Variants in SNAPC3 observed in about 807,000 individuals in gnomAD.
The protein encoded by SNAPC3 is snRNA-activating protein complex subunit 3.
A neutral mutation model predicts 47.7 loss-of-function variants in SNAPC3; 56 were observed. The ratio of observed to expected loss-of-function variants is 1.18; its 90% CI spans 0.95 to 1.47. The LOEUF (loss-of-function observed/expected upper bound fraction) is 1.47, where lower values mean the gene tolerates loss of function less well. SNAPC3 is among the 40% of genes most tolerant of loss of function. SNAPC3 has a pLI of 0.00. For missense variants in SNAPC3, 665 were observed against 511.3 expected (o/e 1.30, Z -2.90); for synonymous variants, 235 against 189.9 (o/e 1.24, Z -1.95).
intron 3 of SNAPC3, among the ~76,000 whole-genome samples, chr9:15,435,628 G>A (rs1017393315): frequency 3.3e-5 from 5 of 151,706 alleles, no homozygotes; most frequent in Admixed American, 2.6e-4. Flanking sequence ...CTACTCTGGA[G>A]GCTGGCAGGA....
chr9:15,429,447 T>G (rs2031862097), intron 2 of SNAPC3, among the ~76,000 whole-genome samples: 1 of 152,188 alleles, frequency 6.6e-6, no homozygotes, highest in African/African-American at 2.4e-5. Context: ...CGTTGGGTAT[T>G]GCAACAAAGT....
At position 15,444,588 on chromosome 9, in the gene SNAPC3, TTTTC is replaced by T; in HGVS notation, c.478-7_478-4del. 1 of 1,535,842 alleles carries T rather than the reference TTTTC, an allele frequency of 6.5e-7. No individual in the cohort carries two copies. The highest frequency in any genetic ancestry group is 9.0e-7 in the Non-Finnish European group (1 of 1,110,836). On this transcript the variant is annotated splice_polypyrimidine_tract_variant and intron_variant, in intron 3 of 8. Transcript: ENST00000380821. Reference sequence around the variant, plus strand: ...TATAGTATCTGATTTCAGTGTCTCTTTTTCTTTCTTCAGGAGTCACATGCCATAG... The same window carrying T: ...TATAGTATCTGATTTCAGTGTCTCTTTTTCTTCAGGAGTCACATGCCATAG...
Position 15,453,079 on chromosome 9 carries a change from A to G in SNAPC3, c.854A>G (p.Tyr285Cys), listed in dbSNP as rs777195600. ...TGGTCAGAGTCCCATGATAGAGGCT[A>G]TGGAAAGTTTCAGACTGCTAGAATG... ...IEWSESHDRG[Y>C]GKFQTARMED... The change falls in exon 7 of 9, where the codon TAT becomes TGT. Residue 285 changes from tyrosine (Y) to cysteine (C), a missense_variant. By Grantham distance (194) the Tyr-to-Cys change is radical. Coordinates refer to ENST00000380821, the MANE Select transcript of SNAPC3 (RefSeq NM_001039697.2). The G allele has an allele frequency of 5.0e-6, 8 of 1,613,658 alleles. No individual in the cohort carries two copies. The highest frequency in any genetic ancestry group is 2.2e-5 in the East Asian group (1 of 44,864).
Position 15,423,941 on chromosome 9 carries a change from A to C in SNAPC3, c.347A>C (p.Glu116Ala). 2 of 1,588,644 alleles carry C rather than the reference A, an allele frequency of 1.3e-6. No homozygotes were observed. The highest frequency in any genetic ancestry group is 2.3e-5 in the East Asian group (1 of 43,124). Residue 116 changes from glutamate to alanine, a missense_variant, in exon 2 of 9, where the codon GAG becomes GCG. Physicochemically the swap from Glu to Ala is moderately radical, Grantham distance 107. Transcript: ENST00000380821. Reference sequence around the variant, plus strand: ...AAACTGAAATGCCTTGAGGACGGTGAGGATCCAGAAGTCATTCCGGAGAAT... The same window carrying C: ...AAACTGAAATGCCTTGAGGACGGTGCGGATCCAGAAGTCATTCCGGAGAAT... The part of the protein sequence containing the change: ...LDKLKCLEDG[E>A]DPEVIPENTD...
In SNAPC3 at chr9:15,422,936, C is replaced by T. The variant is rs1336449651; in HGVS notation, c.57C>T (p.Asp19=). Residue 19 remains aspartate (D), a synonymous_variant, in exon 1 of 9, where the codon GAC becomes GAT. Transcript: ENST00000380821. ...GTAGCGGGGTGGGTGGCAGGCAGGA[C>T]CCAGTCTCCGGCAGTGGCGGCTGCA... ...PTCSGVGGRQ[D]PVSGSGGCNF... 5.8e-6 allele frequency: 9 copies of T among 1,538,704 alleles called. No individual in the cohort carries two copies. The highest frequency in any genetic ancestry group is 1.4e-5 in the African/African-American group (1 of 71,458).
intron 7 of SNAPC3, among the ~76,000 whole-genome samples, chr9:15,455,635 T>C (rs1377930860): frequency 1.3e-5 from 2 of 152,104 alleles, no homozygotes; most frequent in East Asian, 3.8e-4. Flanking sequence ...TGTGCTGGCC[T>C]TGTAATAAAC....
At chr9:15,449,694 A>G (rs1487649360) in intron 5 of SNAPC3, among the ~76,000 whole-genome samples, 3 of 146,606 alleles carry the variant, frequency 2.0e-5, no homozygotes, top group Non-Finnish European at 4.5e-5. Context: ...CCTCAGCCCC[A>G]TGAGTAGCTG....
At chr9:15,438,642 G>A (rs760010264) in intron 3 of SNAPC3, among the ~76,000 whole-genome samples, 3 of 152,058 alleles carry the variant, frequency 2.0e-5, no homozygotes, top group Non-Finnish European at 2.9e-5. Flanking sequence ...GATTTTTGTC[G>A]AGTGTTGTTA....
At chr9:15,442,346 C>T (rs529232862) in intron 3 of SNAPC3, among the ~76,000 whole-genome samples, 28 of 151,442 alleles carry the variant, frequency 1.8e-4, no homozygotes, top group East Asian at 9.9e-4. Flanking sequence ...GGGCGGCTGC[C>T]GGGCAGAGAC....
intron 2 of SNAPC3, among the ~76,000 whole-genome samples, chr9:15,426,467 C>A (rs192764381): frequency 2.1e-4 from 32 of 152,254 alleles, no homozygotes; most frequent in Non-Finnish European, 3.5e-4. Flanking sequence ...GTTACATCTG[C>A]CACACTCACT....
intron 3 of SNAPC3, among the ~76,000 whole-genome samples, chr9:15,442,472 G>A (rs1415343689): frequency 2.0e-5 from 3 of 151,172 alleles, no homozygotes; most frequent in South Asian, 2.1e-4. Context: ...CTGCTGGGCG[G>A]AGGGGCTCCT....
At chr9:15,459,647 T>A (rs1340565446) in intron 8 of SNAPC3, 72 bp from the exon 9 acceptor site, 1 of 1,165,516 alleles carries the variant, frequency 8.6e-7, no homozygotes, top group Non-Finnish European at 1.3e-6. Flanking sequence ...TACATATTGC[T>A]ACAGGTCATA....
At chr9:15,426,602 A>C (rs1231112913) in intron 2 of SNAPC3, among the ~76,000 whole-genome samples, 2 of 152,240 alleles carry the variant, frequency 1.3e-5, no homozygotes, top group Admixed American at 1.3e-4. Context: ...GACTGAAAAA[A>C]GAACGTTGAT....
At chr9:15,455,721 C>T (rs545237771) in intron 7 of SNAPC3, among the ~76,000 whole-genome samples, 5 of 148,486 alleles carry the variant, frequency 3.4e-5, no homozygotes, top group Admixed American at 2.0e-4. Context: ...TTTTTTGAGA[C>T]GGAGTTTCGC....
intron 5 of SNAPC3, among the ~76,000 whole-genome samples, chr9:15,449,848 G>C (rs2131912564): frequency 6.6e-6 from 1 of 151,808 alleles, no homozygotes; most frequent in South Asian, 2.1e-4. Flanking sequence ...TGAGCCACCA[G>C]GCCAGTCAGG....
rs2035159573 is a variant in SNAPC3 at position 15,460,893 on chromosome 9, AAT to A, written c.*1030_*1031del. The A allele has an allele frequency of 6.6e-6, 1 of 152,184 alleles. No homozygotes were observed. The highest frequency in any genetic ancestry group is 2.4e-5 in the African/African-American group (1 of 41,452). 9.4% of individuals were successfully genotyped at this position (152,184 alleles called of 1,614,324 possible). A position where few individuals can be genotyped will look rare whatever the true frequency, so the allele number is the denominator to read the frequency against. On this transcript the variant is annotated 3_prime_UTR_variant, in exon 9 of 9. Coordinates refer to ENST00000380821, the MANE Select transcript of SNAPC3 (RefSeq NM_001039697.2). ...AGCTTTATGAATGTTATGAGTTTAA[AAT>A]ATGTCAATTTAATACTATGATTTAA...
At chr9:15,430,544 AAAT>A (rs1323379638) in intron 2 of SNAPC3, among the ~76,000 whole-genome samples, 1 of 152,224 alleles carries the variant, frequency 6.6e-6, no homozygotes, top group Admixed American at 6.5e-5. Flanking sequence ...TTAATGAGGA[AAAT>A]AATACTTTTT....
In SNAPC3 at chr9:15,458,086, T is replaced by TA. The variant is rs1563855794; in HGVS notation, c.1088+19_1088+20insA. ...CAGCCAGGTGAGTGATAATGTATTT[T>TA]TTTTTTTCTCTGAGAAATGGCAGTT... On this transcript the variant is annotated intron_variant, in intron 8 of 8. Coordinates refer to ENST00000380821, the MANE Select transcript of SNAPC3 (RefSeq NM_001039697.2). The TA allele has an allele frequency of 1.4e-6, 2 of 1,384,770 alleles. No individual in the cohort carries two copies. The highest frequency in any genetic ancestry group is 5.0e-5 in the East Asian group (2 of 40,358). 85.8% of individuals were successfully genotyped at this position (1,384,770 alleles called of 1,614,324 possible).
chr9:15,454,459 T>C (rs993042222), intron 7 of SNAPC3, among the ~76,000 whole-genome samples: 4 of 152,172 alleles, frequency 2.6e-5, no homozygotes, highest in African/African-American at 7.2e-5. Context: ...CTCAGAATTA[T>C]GGAAAAGTGA....
Sources: gnomAD v4.1 joint callset for allele counts (sites outside exome capture counted in the v4.1 genomes callset) on GRCh38, gnomAD v4.1.1 for gene constraint, MANE v1.5 for transcripts, NCBI Gene and HGNC (gene_info 2026-07-23, HGNC 2026-07-21) for gene names.